CCDC85A: variants seen among roughly 807,000 people sequenced by gnomAD.
CCDC85A encodes coiled-coil domain-containing protein 85A.
Under a neutral mutation model 50.2 loss-of-function variants are expected in CCDC85A, and 38 were observed. That is an observed-to-expected ratio of 0.76 (90% CI 0.58 to 0.99). The LOEUF is 0.99. Ranked by LOEUF, CCDC85A falls within the 50% of genes least tolerant of loss-of-function variation. The pLI is 0.00. For missense variants in CCDC85A, 820 were observed against 742.0 expected (o/e 1.11, Z -1.22); for synonymous variants, 366 against 301.4 (o/e 1.21, Z -2.22).
At position 56,385,980 on chromosome 2, in the gene CCDC85A, A is replaced by T. The variant is rs1676803392; in HGVS notation, c.*1625A>T. 6.6e-6 allele frequency: 1 copy of T among 152,172 alleles called. No individual in the cohort carries two copies. The highest frequency in any genetic ancestry group is 1.5e-5 in the Non-Finnish European group (1 of 67,816). 9.4% of individuals were successfully genotyped at this position (152,172 alleles called of 1,614,324 possible). On this transcript the variant is annotated 3_prime_UTR_variant, in exon 6 of 6. Transcript: ENST00000407595. ...AAATTGTTGTATTCCTACCCTCTGA[A>T]GACATTTAAAATAAGCTTTTGTGCC...
intron 2 of CCDC85A, among the ~76,000 whole-genome samples, chr2:56,338,710 A>C (rs1674205568): frequency 6.6e-6 from 1 of 152,096 alleles, no homozygotes; most frequent in African/African-American, 2.4e-5. Context: ...AAACCTCAAA[A>C]TCCCAAGGGT....
intron 1 of CCDC85A, among the ~76,000 whole-genome samples, chr2:56,186,317 T>G (rs898093618): frequency 6.6e-6 from 1 of 152,228 alleles, no homozygotes; most frequent in Non-Finnish European, 1.5e-5. Flanking sequence ...GTTTGAATTC[T>G]AGAAACCTCA....
At chr2:56,374,198 A>C (rs1676220281) in intron 4 of CCDC85A, among the ~76,000 whole-genome samples, 1 of 152,146 alleles carries the variant, frequency 6.6e-6, no homozygotes, top group Non-Finnish European at 1.5e-5. Flanking sequence ...CGTACATGCC[A>C]TATTCTACTG....
chr2:56,371,922 A>C (rs1468798295), intron 3 of CCDC85A, among the ~76,000 whole-genome samples: 1 of 152,184 alleles, frequency 6.6e-6, no homozygotes, highest in African/African-American at 2.4e-5. Context: ...CTTCTTAACA[A>C]AAGGGCATAG....
chr2:56,328,278 C>G (rs375903825), intron 2 of CCDC85A, among the ~76,000 whole-genome samples: 9 of 152,104 alleles, frequency 5.9e-5, no homozygotes, highest in African/African-American at 2.2e-4. Context: ...AGAGAGAACT[C>G]GCTGAAATGC....
intron 2 of CCDC85A, among the ~76,000 whole-genome samples, chr2:56,309,512 A>G (rs1178123936): frequency 6.6e-6 from 1 of 152,180 alleles, no homozygotes; most frequent in Non-Finnish European, 1.5e-5. Context: ...ATCCTAAGTG[A>G]GATGTGACAA....
intron 3 of CCDC85A, among the ~76,000 whole-genome samples, chr2:56,362,979 G>A (rs1433604242): frequency 6.6e-6 from 1 of 151,978 alleles, no homozygotes; most frequent in Non-Finnish European, 1.5e-5. Flanking sequence ...TTACTTCAAT[G>A]GACTGACTTT....
At chr2:56,266,764 C>T (rs1366140524) in intron 2 of CCDC85A, among the ~76,000 whole-genome samples, 1 of 152,250 alleles carries the variant, frequency 6.6e-6, no homozygotes, top group East Asian at 1.9e-4. Flanking sequence ...CTTTGCCTCC[C>T]TGTGGCGTCT....
At chr2:56,321,502 A>G (rs958433137) in intron 2 of CCDC85A, among the ~76,000 whole-genome samples, 48 of 152,154 alleles carry the variant, frequency 3.2e-4, no homozygotes, top group African/African-American at 1.1e-3. Context: ...CTAATAACAG[A>G]CAAACAGAGA....
At chr2:56,286,188 C>A (rs540460710) in intron 2 of CCDC85A, among the ~76,000 whole-genome samples, 1 of 151,822 alleles carries the variant, frequency 6.6e-6, no homozygotes, top group Non-Finnish European at 1.5e-5. Flanking sequence ...ACATTATGTG[C>A]CTAGTTGTAA....
chr2:56,356,713 T>G (rs544603881), intron 3 of CCDC85A, among the ~76,000 whole-genome samples: 1 of 137,344 alleles, frequency 7.3e-6, no homozygotes, highest in Admixed American at 7.6e-5. Context: ...CGACAGAACT[T>G]TTTTTTTCCA....
intron 3 of CCDC85A, among the ~76,000 whole-genome samples, chr2:56,357,675 A>G (rs1424630947): frequency 1.4e-4 from 4 of 29,244 alleles, no homozygotes; most frequent in African/African-American, 5.0e-4. Flanking sequence ...TTTTTTTGCT[A>G]TGTTCTTTTC....
chr2:56,212,849 C>A (rs1396982404), intron 2 of CCDC85A, among the ~76,000 whole-genome samples: 1 of 151,902 alleles, frequency 6.6e-6, no homozygotes, highest in East Asian at 1.9e-4. Flanking sequence ...TCACTGGGGA[C>A]AACATATGTC....
At chr2:56,355,403 A>G (rs1022820079) in intron 3 of CCDC85A, among the ~76,000 whole-genome samples, 4 of 152,136 alleles carry the variant, frequency 2.6e-5, no homozygotes, top group Non-Finnish European at 4.4e-5. Context: ...ACGTGTGTCT[A>G]TAGTCTATTT....
At chr2:56,189,528 T>C (rs1303377583) in intron 1 of CCDC85A, among the ~76,000 whole-genome samples, 3 of 152,100 alleles carry the variant, frequency 2.0e-5, no homozygotes, top group Non-Finnish European at 4.4e-5. Flanking sequence ...TGACCTCAAG[T>C]GATCTGCCCA....
chr2:56,367,211 G>T (rs115813387), intron 3 of CCDC85A, among the ~76,000 whole-genome samples: 4,351 of 152,190 alleles, frequency 0.029, 110 homozygotes, highest in Non-Finnish European at 0.042. Flanking sequence ...TTGGACCACT[G>T]CCCTGTGCCT....
intron 2 of CCDC85A, among the ~76,000 whole-genome samples, chr2:56,227,931 A>G (rs187232333): frequency 1.5e-4 from 23 of 152,326 alleles, no homozygotes; most frequent in Non-Finnish European, 2.9e-5. Context: ...TGCTCTCTGC[A>G]TAGTACTTAT....
At chr2:56,229,575 AAG>A (rs1255724204) in intron 2 of CCDC85A, among the ~76,000 whole-genome samples, 3 of 152,176 alleles carry the variant, frequency 2.0e-5, no homozygotes, top group African/African-American at 7.2e-5. Context: ...AAAGGAGAGA[AAG>A]AAAAACAGAA....
At chr2:56,384,078 C>G (rs557463229) in intron 5 of CCDC85A, among the ~76,000 whole-genome samples, 188 bp from the exon 6 acceptor site, 1 of 151,888 alleles carries the variant, frequency 6.6e-6, no homozygotes, top group East Asian at 2.0e-4. Context: ...GTCCCTACTA[C>G]TAAGTAGTTC....
Sources: gnomAD v4.1 joint callset for allele counts (sites outside exome capture counted in the v4.1 genomes callset) on GRCh38, gnomAD v4.1.1 for gene constraint, MANE v1.5 for transcripts, NCBI Gene and HGNC (gene_info 2026-07-23, HGNC 2026-07-21) for gene names.